Variants in ACTL10 observed in about 807,000 individuals in gnomAD.
ACTL10 encodes actin-like protein 10.
For synonymous variants in ACTL10, 180 were observed against 169.9 expected (o/e 1.06, Z -0.46); for missense variants, 413 against 359.4 (o/e 1.15, Z -1.21).
Position 33,667,340 on chromosome 20 carries a change from C to T in ACTL10, c.-158C>T. On this transcript the variant is annotated 5_prime_UTR_variant, in exon 1 of 1. Coordinates refer to ENST00000677665, the MANE Select transcript of ACTL10 (RefSeq NM_001024675.2). The stretch of plus-strand genomic sequence containing the variant: ...CACGGCGTGGTGGCGGACTGGGAGG[C>T]GCTGGAAGGGCTGTGGGAGCGCCTG... 2 of 963,976 alleles carry T rather than the reference C, an allele frequency of 2.1e-6. No homozygotes were observed. The highest frequency in any genetic ancestry group is 2.8e-6 in the Non-Finnish European group (2 of 723,842). 59.7% of individuals were successfully genotyped at this position (963,976 alleles called of 1,614,324 possible). A position where few individuals can be genotyped will look rare whatever the true frequency, so the allele number is the denominator to read the frequency against.
Position 33,667,581 on chromosome 20 carries a change from C to T in ACTL10, c.84C>T (p.His28=), listed in dbSNP as rs369224324. Residue 28 remains histidine (H), a synonymous_variant, in exon 1 of 1, where the codon CAC becomes CAT. Coordinates refer to ENST00000677665, the MANE Select transcript of ACTL10 (RefSeq NM_001024675.2). ...LAVEAGAGVC[H]ATPIYAGHSW... is the part of the protein sequence containing the mutation. The stretch of plus-strand genomic sequence containing the variant: ...TGGAGGCGGGCGCGGGCGTGTGCCA[C>T]GCCACGCCCATCTACGCGGGTCACT... 8 of 1,566,764 alleles carry T rather than the reference C, an allele frequency of 5.1e-6. No homozygotes were observed. Among genetic ancestry groups the T allele is most frequent in the Middle Eastern group, 1.7e-4 (1 of 5,928 alleles).
Position 33,667,697 on chromosome 20 carries a change from T to C in ACTL10, c.200T>C (p.Leu67Pro). The change falls in exon 1 of 1, where the codon CTC (leucine) becomes CCC (proline). Residue 67 changes from leucine to proline, a missense_variant. By Grantham distance (98) the Leu-to-Pro change is moderately conservative. Transcript: ENST00000677665. The stretch of plus-strand genomic sequence containing the variant: ...CTGCTGGTGGCGGCGAACCCTGACC[T>C]CTTGCAGCAGGCCCTGCCCCGCAAG... ...RDLLVAANPD[L>P]LQQALPRKAI... 6.2e-7 allele frequency: 1 copy of C among 1,612,016 alleles called. No individual in the cohort carries two copies. The highest frequency in any genetic ancestry group is 8.5e-7 in the Non-Finnish European group (1 of 1,179,854).
Position 33,667,928 on chromosome 20 carries a change from C to T in ACTL10, c.431C>T (p.Ala144Val). The change falls in exon 1 of 1, where the codon GCC becomes GTC. Residue 144 changes from alanine (A) to valine (V), a missense_variant. Transcript: ENST00000677665. ...GQAEQGLPAL[A>V]FRALQKMPKT... is the part of the protein sequence containing the mutation. ...GCTGAGCAGGGGCTGCCCGCGCTGG[C>T]CTTCCGGGCGCTGCAGAAGATGCCC... The T allele has an allele frequency of 6.4e-7, 1 of 1,560,314 alleles. No homozygotes were observed. The highest frequency in any genetic ancestry group is 2.4e-5 in the East Asian group (1 of 41,482).
In ACTL10 at chr20:33,667,986, GGT is replaced by G; in HGVS notation, c.491_492del (p.Val164AlafsTer?). The G allele has an allele frequency of 6.5e-7, 1 of 1,547,306 alleles. No individual in the cohort carries two copies. The highest frequency in any genetic ancestry group is 1.2e-5 in the South Asian group (1 of 84,512). The stretch of plus-strand genomic sequence containing the variant: ...TGCGGACACGCCTGGCAGACACCGT[GGT>G]GCTAGCCGGCGGCTCCACACTGTTT... Reference protein sequence around the residue: ...TLRTRLADTVVLAGGSTLFPG... With the variant: ...TLRTRLADTVXLAGGSTLFPG... On this transcript the variant is annotated frameshift_variant, in exon 1 of 1. Transcript: ENST00000677665. LOFTEE classifies it low-confidence loss of function (END_TRUNC).
At position 33,667,140 on chromosome 20, in the gene ACTL10, C is replaced by T. The variant is rs1396915445; in HGVS notation, c.-358C>T. The T allele has an allele frequency of 1.9e-5, 4 of 207,422 alleles. No homozygotes were observed. Among genetic ancestry groups the T allele is most frequent in the African/African-American group, 9.2e-5 (4 of 43,508 alleles). 12.8% of individuals were successfully genotyped at this position (207,422 alleles called of 1,614,324 possible). A position where few individuals can be genotyped will look rare whatever the true frequency, so the allele number is the denominator to read the frequency against. ...ACCGGCCGTCCTCCCTGGGCCGCATCGCGGTGGTGGTGGACCAGGGCTCGG... is the reference window on the plus strand; with the variant it reads ...ACCGGCCGTCCTCCCTGGGCCGCATTGCGGTGGTGGTGGACCAGGGCTCGG... On this transcript the variant is annotated 5_prime_UTR_variant, in exon 1 of 1. Coordinates refer to ENST00000677665, the MANE Select transcript of ACTL10 (RefSeq NM_001024675.2).
In ACTL10 at chr20:33,668,292, A is replaced by G; in HGVS notation, c.*57A>G. ...TTGGGGGACAGCTCTCTATCTAAAGAGTCAAGTGTTTGGAGCTGGCAGGGT... is the reference window on the plus strand; with the variant it reads ...TTGGGGGACAGCTCTCTATCTAAAGGGTCAAGTGTTTGGAGCTGGCAGGGT... On this transcript the variant is annotated 3_prime_UTR_variant, in exon 1 of 1. Transcript: ENST00000677665. 6.5e-7 allele frequency: 1 copy of G among 1,527,488 alleles called. No homozygotes were observed. The highest frequency in any genetic ancestry group is 8.8e-7 in the Non-Finnish European group (1 of 1,135,476). The allele number at this position is 1,527,488 out of a possible 1,614,324, so 94.6% of individuals were successfully genotyped here.
At position 33,668,184 on chromosome 20, in the gene ACTL10, G is replaced by A; in HGVS notation, c.687G>A (p.Arg229=). ...LHSFQRRWIT[R]AMYQECGSRL... The stretch of plus-strand genomic sequence containing the variant: ...CCTTCCAGCGCCGCTGGATAACTCG[G>A]GCCATGTACCAGGAGTGTGGCTCCA... Residue 229 remains arginine, a synonymous_variant, in exon 1 of 1, where the codon CGG becomes CGA. Coordinates refer to ENST00000677665, the MANE Select transcript of ACTL10 (RefSeq NM_001024675.2). The A allele has an allele frequency of 6.2e-7, 1 of 1,610,992 alleles. No individual in the cohort carries two copies. The highest frequency in any genetic ancestry group is 8.5e-7 in the Non-Finnish European group (1 of 1,178,886).
rs962825755 is a variant in ACTL10 at position 33,667,736 on chromosome 20, T to C, written c.239T>C (p.Leu80Pro). The C allele has an allele frequency of 7.4e-6, 12 of 1,612,178 alleles. No homozygotes were observed. Among genetic ancestry groups the C allele is most frequent in the Non-Finnish European group, 9.3e-6 (11 of 1,179,894 alleles). ...CTGCCCCGCAAGGCCATCACACATC[T>C]CAAGAAGCGCAGCTGCTACGTGTCC... ...QALPRKAITHLKKRSCYVSLD... is the reference protein window; with the variant it reads ...QALPRKAITHPKKRSCYVSLD... Residue 80 changes from leucine to proline, a missense_variant, in exon 1 of 1, where the codon CTC becomes CCC. Leu to Pro is a moderately conservative substitution (Grantham distance 98). Coordinates refer to ENST00000677665, the MANE Select transcript of ACTL10 (RefSeq NM_001024675.2).
chr20:33,667,876 A>G lies in ACTL10; in HGVS notation c.379A>G (p.Ile127Val). The change falls in exon 1 of 1, where the codon ATC becomes GTC. Residue 127 changes from isoleucine (I) to valine (V), a missense_variant. Coordinates refer to ENST00000677665, the MANE Select transcript of ACTL10 (RefSeq NM_001024675.2). ...SSERFRCPEP[I>V]FQPGLLGQAE... ...TGAGCGCTTCCGCTGCCCCGAACCC[A>G]TCTTCCAGCCGGGCCTGCTGGGCCA... is the stretch of plus-strand genomic sequence containing the variant. 1 of 1,597,908 alleles carries G rather than the reference A, an allele frequency of 6.3e-7. No homozygotes were observed. The highest frequency in any genetic ancestry group is 8.5e-7 in the Non-Finnish European group (1 of 1,172,620).
At position 33,668,189 on chromosome 20, in the gene ACTL10, T is replaced by C. The variant is rs766479720; in HGVS notation, c.692T>C (p.Met231Thr). Residue 231 changes from methionine to threonine, a missense_variant, in exon 1 of 1, where the codon ATG (methionine) becomes ACG (threonine). Transcript: ENST00000677665. ...CAGCGCCGCTGGATAACTCGGGCCA[T>C]GTACCAGGAGTGTGGCTCCAGGCTG... ...SFQRRWITRA[M>T]YQECGSRLLY... The C allele has an allele frequency of 1.9e-6, 3 of 1,610,198 alleles. No homozygotes were observed. Among genetic ancestry groups the C allele is most frequent in the Non-Finnish European group, 2.5e-6 (3 of 1,178,538 alleles).
Position 33,668,055 on chromosome 20 carries a change from G to A in ACTL10, c.558G>A (p.Gln186=). ...GCCTGGACAAGGAGCTGGAGGCGCA[G>A]TGCCGGCGGCACGGCTACGCGGCCC... The part of the protein sequence containing the change: ...AERLDKELEA[Q]CRRHGYAALR... Residue 186 remains glutamine (Q), a synonymous_variant, in exon 1 of 1, where the codon CAG becomes CAA. Coordinates refer to ENST00000677665, the MANE Select transcript of ACTL10 (RefSeq NM_001024675.2). 1 of 1,563,438 alleles carries A rather than the reference G, an allele frequency of 6.4e-7. No homozygotes were observed. Among genetic ancestry groups the A allele is most frequent in the Non-Finnish European group, 8.7e-7 (1 of 1,154,404 alleles).
In ACTL10 at chr20:33,667,448, A is replaced by T. The variant is rs779606378; in HGVS notation, c.-50A>T. ...CCGTTGGCGCCGCCCGCGGGCCGCG[A>T]AAGGGTGGCGGAGCTGCTGTTCGAG... On this transcript the variant is annotated 5_prime_UTR_variant, in exon 1 of 1. Coordinates refer to ENST00000677665, the MANE Select transcript of ACTL10 (RefSeq NM_001024675.2). 1.4e-6 allele frequency: 2 copies of T among 1,415,944 alleles called. No homozygotes were observed. Among genetic ancestry groups the T allele is most frequent in the Non-Finnish European group, 1.8e-6 (2 of 1,092,276 alleles). 87.7% of individuals were successfully genotyped at this position (1,415,944 alleles called of 1,614,324 possible).
Position 33,668,122 on chromosome 20 carries a change from G to A in ACTL10, c.625G>A (p.Val209Met), listed in dbSNP as rs762282401. Residue 209 changes from valine to methionine, a missense_variant, in exon 1 of 1, where the codon GTG (valine) becomes ATG (methionine). By Grantham distance (21) the Val-to-Met change is conservative. Coordinates refer to ENST00000677665, the MANE Select transcript of ACTL10 (RefSeq NM_001024675.2). ...GGCCAAGCATGGGCGTGGCATGGCT[G>A]TGTGGACCGGCGGCTCCATGGTGGC... ...LVAKHGRGMA[V>M]WTGGSMVASL... The A allele has an allele frequency of 6.2e-7, 1 of 1,611,280 alleles. No individual in the cohort carries two copies. The highest frequency in any genetic ancestry group is 1.1e-5 in the South Asian group (1 of 90,884).
rs375925742 is a variant in ACTL10 at position 33,667,502 on chromosome 20, C to G, written c.5C>G (p.Ala2Gly). The G allele has an allele frequency of 1.6e-5, 24 of 1,514,758 alleles. No individual in the cohort carries two copies. In the African/African-American group the frequency reaches 2.9e-4, roughly 18 times the overall value. 93.8% of individuals were successfully genotyped at this position (1,514,758 alleles called of 1,614,324 possible). ...CTGGCAGTGCCCGCGTGCCACATGGCTAGCACCGCGTTGCTGGCGCTCTGC... is the reference window on the plus strand; with the variant it reads ...CTGGCAGTGCCCGCGTGCCACATGGGTAGCACCGCGTTGCTGGCGCTCTGC... M[A>G]STALLALCST... Residue 2 changes from alanine (A) to glycine (G), a missense_variant, in exon 1 of 1, where the codon GCT (alanine) becomes GGT (glycine). By Grantham distance (60) the Ala-to-Gly change is moderately conservative (BLOSUM62 0). Transcript: ENST00000677665.
Position 33,667,713 on chromosome 20 carries a change from GCC to G in ACTL10, c.219_220del (p.Arg74GlnfsTer36). ...ACCCTGACCTCTTGCAGCAGGCCCT[GCC>G]CCGCAAGGCCATCACACATCTCAAG... ...ANPDLLQQAL[P>X]RKAITHLKKR... is the part of the protein sequence containing the mutation. On this transcript the variant is annotated frameshift_variant, in exon 1 of 1. Transcript: ENST00000677665. LOFTEE classifies it low-confidence loss of function (END_TRUNC). 2 of 1,612,070 alleles carry G rather than the reference GCC, an allele frequency of 1.2e-6. No homozygotes were observed. The highest frequency in any genetic ancestry group is 2.2e-5 in the South Asian group (2 of 91,080).
chr20:33,668,439 C>A lies in ACTL10; in HGVS notation c.*204C>A, dbSNP rs899253818. The stretch of plus-strand genomic sequence containing the variant: ...GCAGTTTGAATCTCCCCAACCACTG[C>A]CAGTTCAGAGAATGCCAGTCCAGCT... On this transcript the variant is annotated 3_prime_UTR_variant, in exon 1 of 1. Transcript: ENST00000677665. The A allele has an allele frequency of 1.5e-6, 1 of 649,088 alleles. No individual in the cohort carries two copies. The highest frequency in any genetic ancestry group is 2.4e-6 in the Non-Finnish European group (1 of 418,470). The allele number at this position is 649,088 out of a possible 1,614,324, so 40.2% of individuals were successfully genotyped here.
In ACTL10 at chr20:33,667,295, C is replaced by G; in HGVS notation, c.-203C>G. ...GGCTGCGAGCTGGCGGGCGGCGTGG[C>G]GCGGGCGCACCCCATCAAGCACGGC... On this transcript the variant is annotated 5_prime_UTR_variant, in exon 1 of 1. Transcript: ENST00000677665. 1.7e-6 allele frequency: 1 copy of G among 600,658 alleles called. No homozygotes were observed. Among genetic ancestry groups the G allele is most frequent in the Non-Finnish European group, 2.5e-6 (1 of 404,234 alleles). 37.2% of individuals were successfully genotyped at this position (600,658 alleles called of 1,614,324 possible).
Position 33,668,460 on chromosome 20 carries a change from C to T in ACTL10, c.*225C>T. On this transcript the variant is annotated 3_prime_UTR_variant, in exon 1 of 1. Coordinates refer to ENST00000677665, the MANE Select transcript of ACTL10 (RefSeq NM_001024675.2). ...ACTGCCAGTTCAGAGAATGCCAGTC[C>T]AGCTGCCTACCCACAGGGCCCTACT... is the stretch of plus-strand genomic sequence containing the variant. The T allele has an allele frequency of 1.9e-6, 1 of 536,970 alleles. No homozygotes were observed. The highest frequency in any genetic ancestry group is 5.5e-5 in the South Asian group (1 of 18,144). The allele number at this position is 536,970 out of a possible 1,614,324, so 33.3% of individuals were successfully genotyped here.
chr20:33,667,727 TCA>T lies in ACTL10; in HGVS notation c.235_236del (p.His79SerfsTer31), dbSNP rs755319711. ...CAGCAGGCCCTGCCCCGCAAGGCCA[TCA>T]CACATCTCAAGAAGCGCAGCTGCTA... On this transcript the variant is annotated frameshift_variant, in exon 1 of 1. Transcript: ENST00000677665. LOFTEE classifies it low-confidence loss of function (END_TRUNC). 1.9e-6 allele frequency: 3 copies of T among 1,612,276 alleles called. No individual in the cohort carries two copies. Among genetic ancestry groups the T allele is most frequent in the Middle Eastern group, 1.6e-4 (1 of 6,062 alleles).
Sources: allele counts gnomAD v4.1 joint callset, GRCh38; gene constraint gnomAD v4.1.1; transcripts MANE v1.5; gene names NCBI Gene and HGNC (gene_info 2026-07-23, HGNC 2026-07-21).